The following NCR1 variants were observed in gnomAD, a reference collection of about 807,000 sequenced individuals.
The protein encoded by NCR1 is natural cytotoxicity triggering receptor 1.
A neutral mutation model predicts 32.5 loss-of-function variants in NCR1; 30 were observed. The observed-to-expected ratio is 0.92, with a 90% CI of 0.69 to 1.25. The LOEUF is 1.25. Ranked by LOEUF, NCR1 falls within the 50% of genes most tolerant of loss-of-function variation. NCR1 has a pLI of 0.00. For synonymous variants in NCR1, 169 were observed against 143.4 expected, an observed-to-expected ratio of 1.18 and a Z score of -1.28; for missense variants, 369 against 380.7, an observed-to-expected ratio of 0.97 and a Z score of 0.26.
chr19:54,931,234 C>T, the NCR1 span, among the ~76,000 whole-genome samples: 1 of 152,080 alleles, frequency 6.6e-6, no homozygotes, highest in Non-Finnish European at 1.5e-5. Context: ...CCAGCCTGGC[C>T]AACATGGTGA....
chr19:54,927,706 C>T, the NCR1 span: 2 of 1,614,102 alleles, frequency 1.2e-6, no homozygotes, highest in Non-Finnish European at 1.7e-6. Flanking sequence ...GAGTTTCAAG[C>T]TTCTGATTGC....
At chr19:54,918,194 A>G (rs530220782), downstream of NCR1, among the ~76,000 whole-genome samples, 36 of 152,108 alleles carry the variant, frequency 2.4e-4, no homozygotes, top group African/African-American at 7.5e-4. Flanking sequence ...GGCCTCTCAA[A>G]GTGCTGGGAT....
chr19:54,921,038 A>G (rs1380560759), downstream of NCR1, among the ~76,000 whole-genome samples: 4 of 152,226 alleles, frequency 2.6e-5, no homozygotes, highest in Non-Finnish European at 4.4e-5. Context: ...TTTTAAGTAG[A>G]TAAAATATTT....
At chr19:54,915,754 A>G (rs2068118670), downstream of NCR1, 1 of 151,398 alleles carries the variant, frequency 6.6e-6, no homozygotes. Context: ...AGGCAGGAGA[A>G]TCGCTTGAAC....
downstream of NCR1, among the ~76,000 whole-genome samples, chr19:54,917,527 G>C (rs1253431742): frequency 6.6e-6 from 1 of 151,930 alleles, no homozygotes; most frequent in African/African-American, 2.4e-5. Context: ...TACCATGTTA[G>C]CCAGGTTGGT....
upstream of NCR1, among the ~76,000 whole-genome samples, chr19:54,902,299 C>A (rs1222525962): frequency 1.3e-5 from 2 of 151,366 alleles, no homozygotes; most frequent in East Asian, 3.9e-4. Context: ...GAAGAAATTA[C>A]AGATTTTTTT....
chr19:54,909,381 A>G lies in NCR1; in HGVS notation c.492A>G (p.Val164=). The change falls in exon 4 of 7, where the codon GTA becomes GTG. Residue 164 remains valine (V), a synonymous_variant. Transcript: ENST00000291890. ...TCAAGGAGGGAAGATCCAGCCACGT[A>G]CAGCGCGGATACGGGAAGGTCCAGG... The part of the protein sequence containing the change: ...LLLKEGRSSH[V]QRGYGKVQAE... 1.9e-6 allele frequency: 3 copies of G among 1,614,076 alleles called. No homozygotes were observed. Among genetic ancestry groups the G allele is most frequent in the Non-Finnish European group, 2.5e-6 (3 of 1,180,020 alleles).
chr19:54,914,591 G>A (rs939462969), downstream of NCR1, among the ~76,000 whole-genome samples: 1 of 152,012 alleles, frequency 6.6e-6, no homozygotes, highest in East Asian at 1.9e-4. Context: ...CACCAGCCTC[G>A]GCCTCCCAAA....
At chr19:54,900,332 G>T in the NCR1 span, among the ~76,000 whole-genome samples, 11 of 152,266 alleles carry the variant, frequency 7.2e-5, no homozygotes, top group Non-Finnish European at 1.2e-4. Flanking sequence ...ATTTGGGTAG[G>T]TAAAGGAAAA....
chr19:54,903,590 G>A (rs980588993), upstream of NCR1, among the ~76,000 whole-genome samples: 6 of 147,916 alleles, frequency 4.1e-5, no homozygotes, highest in African/African-American at 7.5e-5. Context: ...GCATATACAT[G>A]TATGTGTATA....
downstream of NCR1, among the ~76,000 whole-genome samples, chr19:54,913,649 C>T (rs186084688): frequency 6.6e-6 from 1 of 152,234 alleles, no homozygotes; most frequent in Admixed American, 6.5e-5. Context: ...TAAGTGAATC[C>T]TGCCAGGCAC....
the NCR1 span, among the ~76,000 whole-genome samples, chr19:54,937,466 C>T: frequency 6.6e-6 from 1 of 151,700 alleles, no homozygotes; most frequent in African/African-American, 2.4e-5. Flanking sequence ...CCGAGGCAGG[C>T]GCATCACCTT....
chr19:54,935,920 A>C, the NCR1 span, among the ~76,000 whole-genome samples: 1 of 152,042 alleles, frequency 6.6e-6, no homozygotes, highest in Admixed American at 6.6e-5. Context: ...CTGTGGAAAA[A>C]ACTGTCTTGT....
At chr19:54,915,552 T>C (rs1002817199), downstream of NCR1, among the ~76,000 whole-genome samples, 2 of 152,144 alleles carry the variant, frequency 1.3e-5, no homozygotes, top group African/African-American at 4.8e-5. Flanking sequence ...CTCGGGAGGC[T>C]GAGGCAGCAG....
intron 3 of NCR1, 120 bp downstream of exon 3, chr19:54,906,927 A>C: frequency 8.2e-7 from 1 of 1,214,794 alleles, no homozygotes; most frequent in Non-Finnish European, 1.2e-6. Flanking sequence ...GGCTGGAAGG[A>C]GGGGTGATCC....
intron 3 of NCR1, among the ~76,000 whole-genome samples, chr19:54,908,524 G>A (rs587701256): frequency 3.9e-5 from 6 of 152,070 alleles, no homozygotes; most frequent in South Asian, 2.1e-4. Context: ...ACGGGGTGGC[G>A]GCCGGGCAGA....
At chr19:54,935,601 C>G in the NCR1 span, among the ~76,000 whole-genome samples, 6 of 150,966 alleles carry the variant, frequency 4.0e-5, no homozygotes, top group East Asian at 3.9e-4. Flanking sequence ...GAAGCTGAGG[C>G]AGAACTGCTT....
the NCR1 span, among the ~76,000 whole-genome samples, chr19:54,935,611 T>C: frequency 6.6e-6 from 1 of 150,690 alleles, no homozygotes; most frequent in South Asian, 2.1e-4. Flanking sequence ...CAGAACTGCT[T>C]GAACCCAGGA....
downstream of NCR1, among the ~76,000 whole-genome samples, chr19:54,918,539 G>A (rs1358762694): frequency 3.9e-5 from 6 of 152,182 alleles, no homozygotes; most frequent in South Asian, 1.2e-3. Flanking sequence ...CTCCCAAAGT[G>A]ATGAGATTAC....
Sources: allele counts gnomAD v4.1 joint callset (sites outside exome capture counted in the v4.1 genomes callset), GRCh38; gene constraint gnomAD v4.1.1; transcripts MANE v1.5; gene names NCBI Gene and HGNC (gene_info 2026-07-23, HGNC 2026-07-21).